The following AHI1 variants were observed in gnomAD, a reference collection of about 807,000 sequenced individuals.
AHI1 encodes Abelson helper integration site 1, also known as jouberin.
AHI1 carries 123 observed loss-of-function variants against 149.3 expected under a neutral mutation model. The observed-to-expected ratio is 0.82, with a 90% CI of 0.71 to 0.96. The LOEUF (loss-of-function observed/expected upper bound fraction) is 0.96. Ranked by LOEUF, AHI1 falls within the 40% of genes least tolerant of loss-of-function variation. AHI1 has a pLI of 0.00. For missense variants in AHI1, 1,439 were observed against 1,422.7 expected (o/e 1.01, Z -0.18); for synonymous variants, 475 against 459.8 (o/e 1.03, Z -0.42).
At chr6:135,289,073 G>C (rs1244339689) in intron 28 of AHI1, among the ~76,000 whole-genome samples, 3 of 149,812 alleles carry the variant, frequency 2.0e-5, no homozygotes, top group Non-Finnish European at 4.4e-5. Context: ...TCATATGTCT[G>C]TTGCCATTTA....
chr6:135,309,900 A>G (rs192938223), intron 26 of AHI1, among the ~76,000 whole-genome samples: 36 of 152,346 alleles, frequency 2.4e-4, no homozygotes, highest in Non-Finnish European at 4.6e-4. Context: ...AAAACTTCAA[A>G]TATTACAAAA....
intron 8 of AHI1, among the ~76,000 whole-genome samples, chr6:135,460,603 C>T (rs538150453): frequency 1.3e-5 from 2 of 152,162 alleles, no homozygotes; most frequent in Admixed American, 6.5e-5. Flanking sequence ...AAAATCCATA[C>T]AGAAATGCAA....
intron 24 of AHI1, among the ~76,000 whole-genome samples, chr6:135,352,712 TACACACAC>T (rs573886880): frequency 1.9e-4 from 27 of 145,490 alleles, no homozygotes; most frequent in Admixed American, 3.4e-4. Context: ...TATATATATA[TACACACAC>T]ACACACACAC....
At chr6:135,381,069 G>T (rs1776699902) in intron 23 of AHI1, among the ~76,000 whole-genome samples, 1 of 151,930 alleles carries the variant, frequency 6.6e-6, no homozygotes, top group Non-Finnish European at 1.5e-5. Flanking sequence ...ATTTATATCT[G>T]CCTTTTACAT....
chr6:135,467,938 A>G (rs577151329), intron 5 of AHI1, among the ~76,000 whole-genome samples: 1 of 152,352 alleles, frequency 6.6e-6, no homozygotes, highest in African/African-American at 2.4e-5. Context: ...TCGGTGCTAC[A>G]AGATGAATCT....
intron 19 of AHI1, among the ~76,000 whole-genome samples, 174 bp downstream of exon 19, chr6:135,428,455 A>G (rs1415862031): frequency 1.3e-5 from 2 of 151,726 alleles, no homozygotes; most frequent in East Asian, 1.9e-4. Flanking sequence ...AAAATTTAAT[A>G]CAAGTTTAGA....
intron 22 of AHI1, among the ~76,000 whole-genome samples, chr6:135,399,143 T>C (rs1779670710): frequency 6.6e-6 from 1 of 152,182 alleles, no homozygotes; most frequent in African/African-American, 2.4e-5. Flanking sequence ...GTGATGATGC[T>C]ACTGCACTCA....
intron 27 of AHI1, among the ~76,000 whole-genome samples, chr6:135,296,573 C>T (rs955743874): frequency 2.0e-5 from 3 of 152,108 alleles, no homozygotes; most frequent in Non-Finnish European, 2.9e-5. Flanking sequence ...CTTCAGGGCC[C>T]GCTGCACTTG....
chr6:135,447,254 G>C, intron 12 of AHI1, 94 bp from the exon 13 acceptor site: 1 of 833,576 alleles, frequency 1.2e-6, no homozygotes, highest in Non-Finnish European at 1.6e-6. Flanking sequence ...CAAATAATAT[G>C]AAAATATTTT....
intron 5 of AHI1, among the ~76,000 whole-genome samples, chr6:135,486,470 T>C (rs118024514): frequency 0.016 from 2,459 of 152,328 alleles, 24 homozygotes; most frequent in Middle Eastern, 0.034. Context: ...TTATTCAATT[T>C]ATTTGCACTA....
intron 5 of AHI1, chr6:135,490,023 C>T (rs936551840): frequency 6.6e-5 from 39 of 587,944 alleles, no homozygotes; most frequent in African/African-American, 6.6e-4. Context: ...ATAAAGAGGG[C>T]ATAGAGCATT....
intron 27 of AHI1, among the ~76,000 whole-genome samples, chr6:135,299,883 G>C (rs1783633310): frequency 2.6e-5 from 4 of 152,088 alleles, no homozygotes; most frequent in Middle Eastern, 3.4e-3. Context: ...ACGTTCACTT[G>C]TTTTCAGTTA....
intron 27 of AHI1, among the ~76,000 whole-genome samples, chr6:135,294,765 A>G (rs1403183244): frequency 1.3e-5 from 2 of 151,620 alleles, no homozygotes; most frequent in Non-Finnish European, 2.9e-5. Flanking sequence ...CTCACATCAC[A>G]TATCACACAT....
At chr6:135,445,917 G>A (rs187880604) in intron 13 of AHI1, among the ~76,000 whole-genome samples, 8 of 152,058 alleles carry the variant, frequency 5.3e-5, no homozygotes, top group South Asian at 2.1e-4. Flanking sequence ...TTAGCCAGGC[G>A]TGGTGGCAGA....
intron 28 of AHI1, among the ~76,000 whole-genome samples, chr6:135,288,999 A>G (rs539505622): frequency 6.6e-6 from 1 of 152,150 alleles, no homozygotes; most frequent in African/African-American, 2.4e-5. Flanking sequence ...TTGAAAGGGT[A>G]AAATACCATC....
chr6:135,450,469 G>C (rs921722613), intron 11 of AHI1, among the ~76,000 whole-genome samples: 9 of 152,088 alleles, frequency 5.9e-5, no homozygotes, highest in African/African-American at 2.2e-4. Context: ...AGACAATGGA[G>C]GTTATAAGCT....
At position 135,335,169 on chromosome 6, in the gene AHI1, T is replaced by C. The variant is rs544147303; in HGVS notation, c.3166-11845A>G. On this transcript the variant is annotated intron_variant, in intron 24 of 28. Coordinates refer to ENST00000265602, the MANE Select transcript of AHI1 (RefSeq NM_001134831.2). ...ATTAGCTTTACTTATCTTGCTTAGTTTCCCACATGTCACACTGAAATGCTC... is the reference window on the plus strand; with the variant it reads ...ATTAGCTTTACTTATCTTGCTTAGTCTCCCACATGTCACACTGAAATGCTC... Among the ~76,000 whole-genome samples the C allele has an allele frequency of 2.0e-5, 3 of 152,322 alleles. No individual in the cohort carries two copies. The South Asian group carries it at 6.2e-4, about 32-fold the overall frequency.
At chr6:135,430,189 T>C (rs1784454005) in intron 17 of AHI1, among the ~76,000 whole-genome samples, 189 bp from the exon 18 acceptor site, 1 of 151,974 alleles carries the variant, frequency 6.6e-6, no homozygotes, top group African/African-American at 2.4e-5. Flanking sequence ...TGTATTTCTG[T>C]GTTGTTATGC....
intron 5 of AHI1, among the ~76,000 whole-genome samples, chr6:135,473,227 C>A (rs1211001912): frequency 6.6e-6 from 1 of 152,040 alleles, no homozygotes; most frequent in Non-Finnish European, 1.5e-5. Context: ...AGTGAATTAC[C>A]TTGGCAACTT....
Sources: gnomAD v4.1 joint callset for allele counts (sites outside exome capture counted in the v4.1 genomes callset) on GRCh38, gnomAD v4.1.1 for gene constraint, MANE v1.5 for transcripts, NCBI Gene and HGNC (gene_info 2026-07-23, HGNC 2026-07-21) for gene names.